Variants in DBT observed in about 807,000 individuals in gnomAD.
The protein encoded by DBT is dihydrolipoamide branched chain transacylase E2.
A neutral mutation model predicts 51.3 loss-of-function variants in DBT; 40 were observed. The observed-to-expected ratio is 0.78, with a 90% CI of 0.61 to 1.02. DBT has a LOEUF of 1.02. DBT is among the 50% of genes least tolerant of loss of function. DBT has a pLI of 0.00. For synonymous variants in DBT, 181 were observed against 190.4 expected, an observed-to-expected ratio of 0.95 and a Z score of 0.41; for missense variants, 510 against 580.2, an observed-to-expected ratio of 0.88 and a Z score of 1.24.
chr1:100,233,395 C>T (rs1435319694), intron 3 of DBT, among the ~76,000 whole-genome samples: 2 of 152,078 alleles, frequency 1.3e-5, no homozygotes, highest in African/African-American at 2.4e-5. Context: ...TTACCCTTAC[C>T]CAAAACCACA....
chr1:100,190,728 A>G lies in DBT; in HGVS notation c.*5527T>C, dbSNP rs780738876. On this transcript the variant is annotated 3_prime_UTR_variant, in exon 11 of 11. Coordinates refer to ENST00000370132, the MANE Select transcript of DBT (RefSeq NM_001918.5). ...ACTTCTCGGAAAGAGAAACAAAAAG[A>G]AAGTGTGAGAATAGAAATTTTGAGG... The G allele has an allele frequency of 6.6e-6, 1 of 152,206 alleles. No homozygotes were observed. The highest frequency in any genetic ancestry group is 1.5e-5 in the Non-Finnish European group (1 of 68,044). The allele number at this position is 152,206 out of a possible 1,614,324, so 9.4% of individuals were successfully genotyped here.
Position 100,191,747 on chromosome 1 carries a change from TATACACAC to T in DBT, c.*4500_*4507del, listed in dbSNP as rs1660817045. On this transcript the variant is annotated 3_prime_UTR_variant, in exon 11 of 11. Coordinates refer to ENST00000370132, the MANE Select transcript of DBT (RefSeq NM_001918.5). ...GTGTGTGTATATATATGTGTGTGTG[TATACACAC>T]ACACACACACACACACACACACACA... 2.7e-5 allele frequency: 4 copies of T among 146,530 alleles called. No individual in the cohort carries two copies. Among genetic ancestry groups the T allele is most frequent in the African/African-American group, 1.0e-4 (4 of 38,724 alleles). The allele number at this position is 146,530 out of a possible 1,614,324, so 9.1% of individuals were successfully genotyped here.
In DBT at chr1:100,188,914, T is replaced by C. The variant is rs1660689763; in HGVS notation, c.*7341A>G. ...TCTGGCTAGCACAGTAATTTGCTTGTGGTTAAAAGCCTTTGTGCTCAGTAC... is the reference window on the plus strand; with the variant it reads ...TCTGGCTAGCACAGTAATTTGCTTGCGGTTAAAAGCCTTTGTGCTCAGTAC... On this transcript the variant is annotated 3_prime_UTR_variant, in exon 11 of 11. Coordinates refer to ENST00000370132, the MANE Select transcript of DBT (RefSeq NM_001918.5). 1 of 152,250 alleles carries C rather than the reference T, an allele frequency of 6.6e-6. No individual in the cohort carries two copies. The highest frequency in any genetic ancestry group is 2.1e-4 in the South Asian group (1 of 4,832). The allele number at this position is 152,250 out of a possible 1,614,324, so 9.4% of individuals were successfully genotyped here. A position where few individuals can be genotyped will look rare whatever the true frequency, so the allele number is the denominator to read the frequency against.
chr1:100,201,713 G>A (rs954189666), intron 10 of DBT, among the ~76,000 whole-genome samples: 1 of 152,208 alleles, frequency 6.6e-6, no homozygotes, highest in Non-Finnish European at 1.5e-5. Context: ...TCTCTCGGCA[G>A]AAACTCTACA....
In DBT at chr1:100,212,725, A is replaced by G. The variant is rs548889898; in HGVS notation, c.940-1954T>C. On this transcript the variant is annotated intron_variant, in intron 7 of 10. Coordinates refer to ENST00000370132, the MANE Select transcript of DBT (RefSeq NM_001918.5). ...AGTGACAGCCACAGAAGGAGTCTGT[A>G]CCTGACCACAGTTTGGGATTTGCAG... Among the ~76,000 whole-genome samples, 33 of 152,354 alleles carry G rather than the reference A, an allele frequency of 2.2e-4. No individual in the cohort carries two copies. In the South Asian group the frequency reaches 4.8e-3, roughly 22 times the overall value.
chr1:100,206,676 T>C (rs1661812827), intron 8 of DBT, 40 bp from the exon 9 acceptor site: 2 of 1,154,706 alleles, frequency 1.7e-6, no homozygotes, highest in Non-Finnish European at 2.6e-6. Flanking sequence ...TTTTAATGAA[T>C]AAGCTAACAG....
At chr1:100,246,745 T>C (rs548518901) in intron 1 of DBT, among the ~76,000 whole-genome samples, 1 of 152,274 alleles carries the variant, frequency 6.6e-6, no homozygotes, top group African/African-American at 2.4e-5. Flanking sequence ...ACAAAACAGA[T>C]GCAATTTCTT....
intron 10 of DBT, among the ~76,000 whole-genome samples, chr1:100,203,245 CAA>C (rs753058906): frequency 1.3e-5 from 2 of 152,070 alleles, no homozygotes; most frequent in Admixed American, 6.6e-5. Flanking sequence ...CAAATAGACA[CAA>C]TAAAAAATGA....
intron 4 of DBT, among the ~76,000 whole-genome samples, chr1:100,226,458 T>A (rs2100819232): frequency 1.3e-5 from 2 of 152,088 alleles, no homozygotes; most frequent in East Asian, 3.9e-4. Context: ...TATTTTTTTT[T>A]ATTTTTTGTA....
intron 4 of DBT, among the ~76,000 whole-genome samples, chr1:100,224,518 G>T (rs1291085207): frequency 6.6e-6 from 1 of 152,120 alleles, no homozygotes. Flanking sequence ...AGGTACAGAT[G>T]TGAAATAAAA....
chr1:100,215,051 T>A, intron 6 of DBT, 68 bp from the exon 7 acceptor site: 15 of 1,129,530 alleles, frequency 1.3e-5, no homozygotes, highest in East Asian at 2.6e-5. Flanking sequence ...TTTTTTTTTT[T>A]AAAGAAACTA....
At chr1:100,212,038 T>C (rs1339071253) in intron 7 of DBT, among the ~76,000 whole-genome samples, 1 of 152,176 alleles carries the variant, frequency 6.6e-6, no homozygotes, top group Non-Finnish European at 1.5e-5. Context: ...TCCTAAAGTG[T>C]TGGGATTACA....
chr1:100,210,319 T>G (rs570766778), intron 8 of DBT, among the ~76,000 whole-genome samples: 42 of 58,390 alleles, frequency 7.2e-4, no homozygotes, highest in African/African-American at 1.3e-3. Context: ...ATAATAATAA[T>G]AATAATAAGA....
chr1:100,233,753 GAACTCAC>G (rs1046882313), intron 3 of DBT, among the ~76,000 whole-genome samples: 1 of 152,220 alleles, frequency 6.6e-6, no homozygotes, highest in African/African-American at 2.4e-5. Flanking sequence ...GCTGGAATGG[GAACTCAC>G]ATTCTGTATT....
chr1:100,227,660 G>A (rs1186573897), intron 4 of DBT, among the ~76,000 whole-genome samples: 1 of 152,036 alleles, frequency 6.6e-6, no homozygotes, highest in Non-Finnish European at 1.5e-5. Flanking sequence ...GAGGGGTAAG[G>A]GTATCATTAT....
intron 3 of DBT, among the ~76,000 whole-genome samples, chr1:100,233,530 A>T (rs1454084190): frequency 6.6e-6 from 1 of 152,124 alleles, no homozygotes; most frequent in Non-Finnish European, 1.5e-5. Context: ...TTTTTCCTTA[A>T]GTTATTTATG....
chr1:100,233,782 G>T (rs1663693715), intron 3 of DBT, among the ~76,000 whole-genome samples: 2 of 152,290 alleles, frequency 1.3e-5, no homozygotes, highest in Admixed American at 6.5e-5. Flanking sequence ...GTCCTGATTG[G>T]CTAGCAACTT....
chr1:100,216,650 T>C (rs1662508214), intron 5 of DBT, among the ~76,000 whole-genome samples: 1 of 152,200 alleles, frequency 6.6e-6, no homozygotes, highest in African/African-American at 2.4e-5. Context: ...TTTCTATTCT[T>C]GGGGACTACA....
At chr1:100,227,323 T>A (rs934109301) in intron 4 of DBT, among the ~76,000 whole-genome samples, 1 of 152,164 alleles carries the variant, frequency 6.6e-6, no homozygotes, top group Non-Finnish European at 1.5e-5. Flanking sequence ...CTAAAGGAAC[T>A]CCTTACTTCG....
Sources: allele counts gnomAD v4.1 joint callset (sites outside exome capture counted in the v4.1 genomes callset), GRCh38; gene constraint gnomAD v4.1.1; transcripts MANE v1.5; gene names NCBI Gene and HGNC (gene_info 2026-07-23, HGNC 2026-07-21).